The following GALNT2 variants were observed in gnomAD, a reference collection of about 807,000 sequenced individuals.
GALNT2 encodes polypeptide N-acetylgalactosaminyltransferase 2.
GALNT2 carries 31 observed loss-of-function variants against 81.4 expected under a neutral mutation model. The ratio of observed to expected loss-of-function variants is 0.38; its 90% CI spans 0.29 to 0.51. The LOEUF (loss-of-function observed/expected upper bound fraction) is 0.51. Among genes scored for constraint, GALNT2 ranks in the 20% least tolerant of loss-of-function variants. GALNT2 has a pLI of 0.87. For missense variants in GALNT2, 629 were observed against 765.7 expected, an observed-to-expected ratio of 0.82 and a Z score of 2.11; for synonymous variants, 303 against 287.4, an observed-to-expected ratio of 1.05 and a Z score of -0.55.
chr1:230,228,124 G>A (rs1370992671), intron 3 of GALNT2, among the ~76,000 whole-genome samples: 1 of 152,036 alleles, frequency 6.6e-6, no homozygotes, highest in African/African-American at 2.4e-5. Context: ...CAGATATGGA[G>A]GAATAAATGC....
intron 1 of GALNT2, among the ~76,000 whole-genome samples, chr1:230,157,165 C>T (rs1477811594): frequency 2.0e-5 from 3 of 152,302 alleles, no homozygotes; most frequent in East Asian, 3.9e-4. Context: ...GCAGAGAAAA[C>T]ATTGGAACTT....
At chr1:230,250,111 A>G (rs1246169276) in intron 9 of GALNT2, among the ~76,000 whole-genome samples, 1 of 152,180 alleles carries the variant, frequency 6.6e-6, no homozygotes, top group African/African-American at 2.4e-5. Context: ...TAGCTACCCT[A>G]TAAGGAAACT....
intron 1 of GALNT2, among the ~76,000 whole-genome samples, chr1:230,126,333 G>A (rs1263474907): frequency 6.6e-6 from 1 of 152,202 alleles, no homozygotes; most frequent in African/African-American, 2.4e-5. Flanking sequence ...CTGGTGATGA[G>A]TATAGCTGAG....
chr1:230,074,850 A>G (rs115319772), intron 1 of GALNT2, among the ~76,000 whole-genome samples: 1,729 of 152,310 alleles, frequency 0.011, 14 homozygotes, highest in Middle Eastern at 0.037. Context: ...TCCCAAGGTC[A>G]CAGAGCTCAC....
At chr1:230,118,652 A>G (rs772524801) in intron 1 of GALNT2, among the ~76,000 whole-genome samples, 1 of 150,176 alleles carries the variant, frequency 6.7e-6, no homozygotes, top group Non-Finnish European at 1.5e-5. Flanking sequence ...TCCAGCCTCA[A>G]CTATTTTTTG....
At chr1:230,115,965 C>T (rs898020389) in intron 1 of GALNT2, among the ~76,000 whole-genome samples, 20 of 152,340 alleles carry the variant, frequency 1.3e-4, no homozygotes, top group Non-Finnish European at 1.9e-4. Flanking sequence ...TCACATCTGT[C>T]GTCTCCACTT....
intron 1 of GALNT2, among the ~76,000 whole-genome samples, chr1:230,142,366 C>T (rs1215925737): frequency 6.6e-6 from 1 of 152,146 alleles, no homozygotes; most frequent in African/African-American, 2.4e-5. Context: ...ACCAAGTAGT[C>T]TGTGTAGGGG....
At chr1:230,270,155 C>T (rs948390181) in intron 14 of GALNT2, among the ~76,000 whole-genome samples, 6 of 151,890 alleles carry the variant, frequency 4.0e-5, no homozygotes, top group African/African-American at 9.7e-5. Flanking sequence ...GAGCCGAGAT[C>T]GCACCACTAT....
chr1:230,204,163 TTTTTC>T (rs200152521), intron 3 of GALNT2, among the ~76,000 whole-genome samples: 45 of 141,164 alleles, frequency 3.2e-4, no homozygotes, highest in African/African-American at 1.2e-3. Context: ...TTTCTTTTTC[TTTTTC>T]TTTTTTTTTT....
At chr1:230,139,140 T>A (rs1661648427) in intron 1 of GALNT2, among the ~76,000 whole-genome samples, 1 of 152,168 alleles carries the variant, frequency 6.6e-6, no homozygotes, top group Non-Finnish European at 1.5e-5. Flanking sequence ...AGCTGCTACT[T>A]CCTGTTGACC....
intron 1 of GALNT2, among the ~76,000 whole-genome samples, chr1:230,175,861 A>G (rs1404444288): frequency 6.6e-6 from 1 of 151,760 alleles, no homozygotes; most frequent in Non-Finnish European, 1.5e-5. Context: ...ATTTAGTTTA[A>G]ATCGAGCCCT....
At position 230,164,540 on chromosome 1, in the gene GALNT2, C is replaced by CT. The variant is rs747922205; in HGVS notation, c.127-13664dup. Among the ~76,000 whole-genome samples the CT allele has an allele frequency of 2.9e-3, 415 of 142,224 alleles. 2 individuals are homozygous for CT. Among genetic ancestry groups the CT allele is most frequent in the South Asian group, 8.2e-3 (36 of 4,402 alleles). The allele number at this position is 142,224 out of a possible 152,430, so 93.3% of individuals were successfully genotyped here. ...ACAGCACGGTCTCTGGGCCCTTTTT[C>CT]TTTTTTTTTTTTTTAGACGGAGTCA... is the stretch of plus-strand genomic sequence containing the variant. On this transcript the variant is annotated intron_variant, in intron 1 of 15. Coordinates refer to ENST00000366672, the MANE Select transcript of GALNT2 (RefSeq NM_004481.5).
chr1:230,171,417 TG>T (rs1213625088), intron 1 of GALNT2, among the ~76,000 whole-genome samples: 3 of 152,218 alleles, frequency 2.0e-5, no homozygotes, highest in African/African-American at 4.8e-5. Context: ...CTGTGTGGAT[TG>T]GCTGTAGTGG....
chr1:230,085,916 T>A (rs1429049888), intron 1 of GALNT2, among the ~76,000 whole-genome samples: 1 of 152,120 alleles, frequency 6.6e-6, no homozygotes, highest in Non-Finnish European at 1.5e-5. Flanking sequence ...GTTTGTGAAA[T>A]GTTGGGGAAA....
intron 1 of GALNT2, among the ~76,000 whole-genome samples, chr1:230,124,640 G>A (rs1661117974): frequency 6.6e-6 from 1 of 152,168 alleles, no homozygotes; most frequent in African/African-American, 2.4e-5. Flanking sequence ...TTTTCCTGCT[G>A]TTCCTGAACA....
intron 3 of GALNT2, among the ~76,000 whole-genome samples, chr1:230,203,851 G>A (rs1572083485): frequency 1.3e-5 from 2 of 152,210 alleles, no homozygotes; most frequent in East Asian, 3.9e-4. Flanking sequence ...TAGAGATAGG[G>A]TCTCCCTCTA....
intron 4 of GALNT2, 60 bp downstream of exon 4, chr1:230,236,172 A>G (rs1572119466): frequency 1.3e-6 from 2 of 1,549,360 alleles, no homozygotes; most frequent in East Asian, 4.5e-5. Context: ...TGTCCCAGGC[A>G]CAGTCAGACC....
chr1:230,179,143 T>C (rs1413492589), intron 2 of GALNT2, among the ~76,000 whole-genome samples: 1 of 151,750 alleles, frequency 6.6e-6, no homozygotes, highest in Non-Finnish European at 1.5e-5. Flanking sequence ...GCTGGATAGC[T>C]CATTTCTTAA....
chr1:230,194,402 C>A (rs1253383746), intron 2 of GALNT2, among the ~76,000 whole-genome samples: 2 of 152,136 alleles, frequency 1.3e-5, no homozygotes, highest in African/African-American at 4.8e-5. Context: ...CTGCAGGGGT[C>A]CAGAGCCAGG....
Sources: allele counts gnomAD v4.1 joint callset (sites outside exome capture counted in the v4.1 genomes callset), GRCh38; gene constraint gnomAD v4.1.1; transcripts MANE v1.5; gene names NCBI Gene and HGNC (gene_info 2026-07-23, HGNC 2026-07-21).